TRPC4: variants seen among roughly 807,000 people sequenced by gnomAD.
TRPC4 encodes transient receptor potential cation channel subfamily C member 4, also known as short transient receptor potential channel 4.
In TRPC4, 49 loss-of-function variants were observed where a neutral mutation model predicts 99.4. That is an observed-to-expected ratio of 0.49 (90% CI 0.39 to 0.63). The LOEUF is 0.63. TRPC4 is among the 20% of genes least tolerant of loss of function. TRPC4 has a pLI of 0.00. For synonymous variants in TRPC4, 454 were observed against 425.9 expected (o/e 1.07, Z -0.81); for missense variants, 898 against 1,152.9 (o/e 0.78, Z 3.20).
At chr13:37,727,966 G>A (rs1265906224) in intron 3 of TRPC4, among the ~76,000 whole-genome samples, 2 of 151,744 alleles carry the variant, frequency 1.3e-5, no homozygotes, top group African/African-American at 4.8e-5. Flanking sequence ...AATTGATTCA[G>A]GAAAATTATT....
chr13:37,831,960 G>C (rs1217181752), intron 1 of TRPC4, among the ~76,000 whole-genome samples: 4 of 152,080 alleles, frequency 2.6e-5, no homozygotes, highest in African/African-American at 9.7e-5. Flanking sequence ...ATAGATTATA[G>C]TGATCTATTG....
At chr13:37,867,357 T>C (rs1393110315) in intron 1 of TRPC4, among the ~76,000 whole-genome samples, 26 of 152,010 alleles carry the variant, frequency 1.7e-4, no homozygotes. Context: ...AGCTGCTAAA[T>C]ATAATGCTGA....
At chr13:37,679,361 T>A (rs1020673338) in intron 4 of TRPC4, among the ~76,000 whole-genome samples, 1 of 152,164 alleles carries the variant, frequency 6.6e-6, no homozygotes, top group Non-Finnish European at 1.5e-5. Flanking sequence ...TATTGAGGAA[T>A]GAATACAGTG....
chr13:37,865,359 G>A (rs910998029), intron 1 of TRPC4, among the ~76,000 whole-genome samples: 4 of 151,550 alleles, frequency 2.6e-5, no homozygotes, highest in Non-Finnish European at 5.9e-5. Flanking sequence ...TGGTCAAAAG[G>A]TTAGCATGAT....
rs1387589681 is a variant in TRPC4 at position 37,635,400 on chromosome 13, A to G, written c.*1503T>C. ...CAGGAGCTACTTCAGAGGGCTGTAA[A>G]GAGCAGTACATAAATGTTAACAGGT... On this transcript the variant is annotated 3_prime_UTR_variant, in exon 11 of 11. Coordinates refer to ENST00000379705, the MANE Select transcript of TRPC4 (RefSeq NM_016179.4). Among the ~76,000 whole-genome samples the G allele has an allele frequency of 2.0e-5, 3 of 152,112 alleles. No homozygotes were observed. Among genetic ancestry groups the G allele is most frequent in the Non-Finnish European group, 2.9e-5 (2 of 68,004 alleles).
chr13:37,771,952 T>A (rs1171666243), intron 2 of TRPC4, among the ~76,000 whole-genome samples: 2 of 151,430 alleles, frequency 1.3e-5, no homozygotes, highest in African/African-American at 4.8e-5. Flanking sequence ...GGTGGACTTG[T>A]GAGGAGGATT....
At position 37,692,232 on chromosome 13, in the gene TRPC4, A is replaced by G; in HGVS notation, c.1001T>C (p.Phe334Ser). The change falls in exon 4 of 11, where the codon TTC (phenylalanine) becomes TCC (serine). Residue 334 changes from phenylalanine to serine, a missense_variant. This residue lies in a region of TRPC4 where 274 missense variants were observed against 454.9 expected (regional missense o/e 0.60). Coordinates refer to ENST00000379705, the MANE Select transcript of TRPC4 (RefSeq NM_016179.4). ...GACAGGAAAAAGAAGTCCTATTATG[A>G]AACATGTCACCATCTTCACTGCCCA... is the stretch of plus-strand genomic sequence containing the variant. ...RHWAVKMVTC[F>S]IIGLLFPVFS... 6.2e-7 allele frequency: 1 copy of G among 1,614,184 alleles called. No individual in the cohort carries two copies. Among genetic ancestry groups the G allele is most frequent in the South Asian group, 1.1e-5 (1 of 91,090 alleles).
At position 37,809,612 on chromosome 13, in the gene TRPC4, G is replaced by A. The variant is rs9566259; in HGVS notation, c.-27-26252C>T. On this transcript the variant is annotated intron_variant, in intron 1 of 10. Coordinates refer to ENST00000379705, the MANE Select transcript of TRPC4 (RefSeq NM_016179.4). Reference sequence around the variant, plus strand: ...TGTAGACACAGAATGTTCAAGACAGGGGTTATATGCTGATCCAATTCATAA... The same window carrying A: ...TGTAGACACAGAATGTTCAAGACAGAGGTTATATGCTGATCCAATTCATAA... 5.3e-5 allele frequency among the ~76,000 whole-genome samples: 8 copies of A among 151,860 alleles called. No individual in the cohort carries two copies. In the East Asian group the frequency reaches 1.4e-3, roughly 26 times the overall value.
At chr13:37,820,793 A>G (rs549603453) in intron 1 of TRPC4, among the ~76,000 whole-genome samples, 1 of 152,218 alleles carries the variant, frequency 6.6e-6, no homozygotes, top group Admixed American at 6.6e-5. Flanking sequence ...ACTTCAAAAT[A>G]ATAACAGCCA....
chr13:37,800,056 A>T (rs1957363850), intron 1 of TRPC4, among the ~76,000 whole-genome samples: 1 of 152,198 alleles, frequency 6.6e-6, no homozygotes. Context: ...TGATACTTTG[A>T]TTACCTCTCA....
intron 2 of TRPC4, among the ~76,000 whole-genome samples, chr13:37,780,534 T>C (rs1956810855): frequency 2.0e-5 from 3 of 152,124 alleles, no homozygotes; most frequent in South Asian, 4.2e-4. Flanking sequence ...AATGAGGAAT[T>C]ACACCTTATG....
chr13:37,696,230 C>T (rs1170530526), intron 3 of TRPC4, among the ~76,000 whole-genome samples: 1 of 152,006 alleles, frequency 6.6e-6, no homozygotes, highest in South Asian at 2.1e-4. Flanking sequence ...AAGACCTGCC[C>T]CCATGATTCA....
At chr13:37,734,330 T>C (rs1955331494) in intron 3 of TRPC4, among the ~76,000 whole-genome samples, 1 of 152,168 alleles carries the variant, frequency 6.6e-6, no homozygotes, top group African/African-American at 2.4e-5. Context: ...TTCCAGGTTT[T>C]AGGAAACTTC....
intron 8 of TRPC4, among the ~76,000 whole-genome samples, chr13:37,647,210 C>A (rs1243052576): frequency 6.6e-6 from 1 of 152,098 alleles, no homozygotes; most frequent in East Asian, 1.9e-4. Context: ...GAATGAGCAG[C>A]AGGGTGACAT....
At chr13:37,777,395 C>T (rs1321211191) in intron 2 of TRPC4, among the ~76,000 whole-genome samples, 3 of 151,890 alleles carry the variant, frequency 2.0e-5, no homozygotes, top group Non-Finnish European at 2.9e-5. Flanking sequence ...GGAGCTACTA[C>T]ACACTTTCAA....
intron 8 of TRPC4, among the ~76,000 whole-genome samples, chr13:37,646,838 T>C (rs1566065109): frequency 1.3e-5 from 2 of 152,240 alleles, no homozygotes; most frequent in Non-Finnish European, 2.9e-5. Context: ...CTTATTTGGA[T>C]AGGCTGCCTT....
intron 1 of TRPC4, among the ~76,000 whole-genome samples, chr13:37,830,803 G>A (rs201334261): frequency 6.8e-6 from 1 of 146,150 alleles, no homozygotes; most frequent in Admixed American, 6.9e-5. Context: ...TATATTTTTT[G>A]TATATATATA....
chr13:37,751,416 AAGAG>A (rs71096804), intron 2 of TRPC4, among the ~76,000 whole-genome samples: 3 of 152,046 alleles, frequency 2.0e-5, no homozygotes, highest in South Asian at 2.1e-4. Context: ...GAGAGAAAGA[AAGAG>A]AGAGAAGGGT....
chr13:37,850,852 T>C (rs544033892), intron 1 of TRPC4, among the ~76,000 whole-genome samples: 1 of 152,158 alleles, frequency 6.6e-6, no homozygotes, highest in Non-Finnish European at 1.5e-5. Flanking sequence ...GTACAAGCCA[T>C]ATTTGCTCTC....
Sources: allele counts gnomAD v4.1 joint callset (sites outside exome capture counted in the v4.1 genomes callset), GRCh38; gene constraint gnomAD v4.1.1; regional missense constraint gnomAD v4.1.1; transcripts MANE v1.5; gene names NCBI Gene and HGNC (gene_info 2026-07-23, HGNC 2026-07-21).